Variants in SLCO2B1 observed in about 807,000 individuals in gnomAD.
The protein encoded by SLCO2B1 is OATP-RP2.
SLCO2B1 carries 41 observed loss-of-function variants against 67.3 expected under a neutral mutation model. The observed-to-expected ratio is 0.61, with a 90% confidence interval of 0.47 to 0.79. The LOEUF is 0.79. Among genes scored for constraint, SLCO2B1 ranks in the 30% least tolerant of loss-of-function variants. SLCO2B1 has a pLI of 0.00. For synonymous variants in SLCO2B1, 379 were observed against 381.4 expected, an observed-to-expected ratio of 0.99 and a Z score of 0.07; for missense variants, 837 against 920.1, an observed-to-expected ratio of 0.91 and a Z score of 1.17.
Position 75,169,278 on chromosome 11 carries a change from A to C in SLCO2B1, c.554A>C (p.His185Pro), listed in dbSNP as rs750647248. The change falls in exon 5 of 14, where the codon CAT becomes CCT. Residue 185 changes from histidine (H) to proline (P), a missense_variant. By Grantham distance (77) the His-to-Pro change is moderately conservative (BLOSUM62 -2). Coordinates refer to ENST00000289575, the MANE Select transcript of SLCO2B1 (RefSeq NM_007256.5). Reference protein sequence around the residue: ...GNCSSYTETQHLSVVGIMFVA... With the variant: ...GNCSSYTETQPLSVVGIMFVA... ...TGCTCAAGCTACACAGAAACCCAGC[A>C]TCTGAGTGTGGTGGGGATCATGTTC... The C allele has an allele frequency of 2.5e-6, 4 of 1,614,064 alleles. No homozygotes were observed. Among genetic ancestry groups the C allele is most frequent in the Admixed American group, 1.7e-5 (1 of 60,002 alleles).
intron 13 of SLCO2B1, chr11:75,203,733 G>A (rs1211836619): frequency 6.0e-6 from 2 of 334,860 alleles, no homozygotes; most frequent in African/African-American, 2.2e-5. Context: ...GCCATGCTGC[G>A]AGAGGGACTT....
intron 8 of SLCO2B1, among the ~76,000 whole-genome samples, chr11:75,192,834 C>T (rs1400387894): frequency 6.6e-6 from 1 of 152,026 alleles, no homozygotes; most frequent in Admixed American, 6.6e-5. Flanking sequence ...TTACTTGGGG[C>T]CTAGGGTTCG....
In SLCO2B1 at chr11:75,183,804, G is replaced by A. The variant is rs531864415; in HGVS notation, c.973-4332G>A. Among the ~76,000 whole-genome samples, 4 of 152,328 alleles carry A rather than the reference G, an allele frequency of 2.6e-5. No individual in the cohort carries two copies. The South Asian group carries it at 8.3e-4, about 32-fold the overall frequency. On this transcript the variant is annotated intron_variant, in intron 7 of 13. Coordinates refer to ENST00000289575, the MANE Select transcript of SLCO2B1 (RefSeq NM_007256.5). ...CTCCCAAAATGCTGGAATTACAGGT[G>A]AGAGCTCAGTCAAGGCATGAGTTTT...
At chr11:75,201,602 G>A (rs1488061629) in intron 11 of SLCO2B1, 1 of 152,186 alleles carries the variant, frequency 6.6e-6, no homozygotes, top group Non-Finnish European at 1.5e-5. Flanking sequence ...GCCGTATGCT[G>A]GGGTTTCCAC....
intron 7 of SLCO2B1, among the ~76,000 whole-genome samples, chr11:75,178,396 G>A (rs991601209): frequency 6.6e-6 from 1 of 152,180 alleles, no homozygotes; most frequent in African/African-American, 2.4e-5. Flanking sequence ...ATCTTTCTCC[G>A]AGCAGGCCAG....
chr11:75,188,302 T>A, intron 8 of SLCO2B1, 64 bp downstream of exon 8: 1 of 1,023,594 alleles, frequency 9.8e-7, no homozygotes, highest in Non-Finnish European at 1.5e-6. Context: ...ATTGTCAGGA[T>A]CCAGTCCTTC....
intron 7 of SLCO2B1, among the ~76,000 whole-genome samples, chr11:75,185,430 C>G (rs1950137873): frequency 6.6e-6 from 1 of 151,718 alleles, no homozygotes; most frequent in Admixed American, 6.6e-5. Flanking sequence ...CGCACCACTC[C>G]TAGTTACAGG....
intron 12 of SLCO2B1, 137 bp from the exon 13 acceptor site, chr11:75,203,170 C>A: frequency 7.5e-7 from 1 of 1,329,622 alleles, no homozygotes; most frequent in Non-Finnish European, 1.0e-6. Context: ...ACCTCGGATG[C>A]AGGGGTGGGG....
chr11:75,179,375 G>T (rs1950067754), intron 7 of SLCO2B1, among the ~76,000 whole-genome samples: 1 of 151,536 alleles, frequency 6.6e-6, no homozygotes, highest in South Asian at 2.1e-4. Flanking sequence ...GGGATTACAG[G>T]TGCCCGCCAC....
At position 75,165,040 on chromosome 11, in the gene SLCO2B1, C is replaced by A. The variant is rs576081230; in HGVS notation, c.286-747C>A. Among the ~76,000 whole-genome samples the A allele has an allele frequency of 7.2e-5, 11 of 152,276 alleles. No individual in the cohort carries two copies. In the South Asian group the frequency reaches 2.3e-3, roughly 32 times the overall value. On this transcript the variant is annotated intron_variant, in intron 3 of 13. Coordinates refer to ENST00000289575, the MANE Select transcript of SLCO2B1 (RefSeq NM_007256.5). ...CAATCAATAAGCAGCAGAGCCAATG[C>A]ACCCCCTGCTCATGGTGGCAGAGAC...
chr11:75,161,843 C>T (rs1372949388), intron 1 of SLCO2B1, among the ~76,000 whole-genome samples: 1 of 152,002 alleles, frequency 6.6e-6, no homozygotes, highest in Non-Finnish European at 1.5e-5. Context: ...CTGGGAAATG[C>T]CTCTGAAGGG....
chr11:75,156,513 C>A (rs1416726640), intron 1 of SLCO2B1, among the ~76,000 whole-genome samples: 1 of 152,098 alleles, frequency 6.6e-6, no homozygotes, highest in Non-Finnish European at 1.5e-5. Flanking sequence ...GCCTCCCACC[C>A]CAACACCTCT....
chr11:75,181,293 C>A (rs1206348369), intron 7 of SLCO2B1, among the ~76,000 whole-genome samples: 1 of 151,052 alleles, frequency 6.6e-6, no homozygotes, highest in Non-Finnish European at 1.5e-5. Flanking sequence ...TCACTTGAAC[C>A]CGGGAGGTGG....
At chr11:75,158,798 A>G (rs1181823498) in intron 1 of SLCO2B1, among the ~76,000 whole-genome samples, 1 of 152,200 alleles carries the variant, frequency 6.6e-6, no homozygotes, top group African/African-American at 2.4e-5. Context: ...CTGAGGCCTT[A>G]AAGCCTATTC....
Position 75,162,730 on chromosome 11 carries a change from G to A in SLCO2B1, c.92G>A (p.Gly31Asp), listed in dbSNP as rs1949836874. 6.2e-7 allele frequency: 1 copy of A among 1,613,910 alleles called. No individual in the cohort carries two copies. The highest frequency in any genetic ancestry group is 1.7e-5 in the Admixed American group (1 of 59,990). ...ATMGTENTPG[G>D]KASPDPQDVR... ...ATGGGCACAGAAAACACACCTGGAG[G>A]CAAAGCCAGCCCAGACCCTCAGGAC... is the stretch of plus-strand genomic sequence containing the variant. The change falls in exon 2 of 14, where the codon GGC becomes GAC. Residue 31 changes from glycine (G) to aspartate (D), a missense_variant. Transcript: ENST00000289575.
chr11:75,177,153 G>A (rs1206558050), intron 7 of SLCO2B1, among the ~76,000 whole-genome samples: 4 of 151,508 alleles, frequency 2.6e-5, no homozygotes, highest in Admixed American at 2.0e-4. Context: ...CACCGAGCAG[G>A]GCTAAGGGCC....
At chr11:75,159,556 G>C (rs534431800) in intron 1 of SLCO2B1, among the ~76,000 whole-genome samples, 5 of 152,318 alleles carry the variant, frequency 3.3e-5, no homozygotes, top group Admixed American at 2.6e-4. Flanking sequence ...TCCAAGGGGA[G>C]TTCCGCCCTG....
At chr11:75,177,362 A>G (rs570819044) in intron 7 of SLCO2B1, among the ~76,000 whole-genome samples, 2 of 152,182 alleles carry the variant, frequency 1.3e-5, no homozygotes, top group African/African-American at 4.8e-5. Context: ...GAAGGGATGA[A>G]AGGTAGCTGA....
rs140953109 is a variant in SLCO2B1 at position 75,164,072 on chromosome 11, C to T, written c.257C>T (p.Thr86Met). ...VEKRFGLSSQTSGLLASFNEV... is the reference protein window; with the variant it reads ...VEKRFGLSSQMSGLLASFNEV... ...AAGCGCTTCGGCCTCTCCAGCCAGACGTCGGGGCTGCTGGCCTCCTTCAAC... is the reference window on the plus strand; with the variant it reads ...AAGCGCTTCGGCCTCTCCAGCCAGATGTCGGGGCTGCTGGCCTCCTTCAAC... The change falls in exon 3 of 14, where the codon ACG (threonine) becomes ATG (methionine). Residue 86 changes from threonine to methionine, a missense_variant. Coordinates refer to ENST00000289575, the MANE Select transcript of SLCO2B1 (RefSeq NM_007256.5). 3.7e-5 allele frequency: 60 copies of T among 1,608,696 alleles called. No homozygotes were observed. Among genetic ancestry groups the T allele is most frequent in the African/African-American group, 1.6e-4 (12 of 74,936 alleles).
Sources: allele counts gnomAD v4.1 joint callset (sites outside exome capture counted in the v4.1 genomes callset), GRCh38; gene constraint gnomAD v4.1.1; transcripts MANE v1.5; gene names NCBI Gene and HGNC (gene_info 2026-07-23, HGNC 2026-07-21).